The following FBXL7 variants were observed in gnomAD, a reference collection of about 807,000 sequenced individuals.
The protein encoded by FBXL7 is F-box/LRR-repeat protein 7.
A neutral mutation model predicts 38.3 loss-of-function variants in FBXL7; 12 were observed. The observed-to-expected ratio is 0.31, with a 90% CI of 0.20 to 0.51. The LOEUF is 0.51. Ranked by LOEUF, FBXL7 falls within the 20% of genes least tolerant of loss-of-function variation. FBXL7 has a pLI of 0.98. For synonymous variants in FBXL7, 297 were observed against 300.9 expected, an observed-to-expected ratio of 0.99 and a Z score of 0.13; for missense variants, 567 against 676.4, an observed-to-expected ratio of 0.84 and a Z score of 1.79.
At chr5:15,559,958 T>A (rs572657845) in intron 1 of FBXL7, among the ~76,000 whole-genome samples, 1 of 152,352 alleles carries the variant, frequency 6.6e-6, no homozygotes, top group African/African-American at 2.4e-5. Context: ...TTTCATTGTT[T>A]GAAGGTATCC....
intron 1 of FBXL7, among the ~76,000 whole-genome samples, chr5:15,531,630 A>G (rs1737434549): frequency 6.6e-6 from 1 of 152,186 alleles, no homozygotes; most frequent in African/African-American, 2.4e-5. Flanking sequence ...TGTAAATCCT[A>G]TTACTCTGAG....
At chr5:15,681,108 G>T (rs945096748) in intron 2 of FBXL7, among the ~76,000 whole-genome samples, 3 of 152,164 alleles carry the variant, frequency 2.0e-5, no homozygotes, top group African/African-American at 7.2e-5. Context: ...GAACATGACA[G>T]ATCTGGTAGG....
chr5:15,861,559 A>T (rs778877687), intron 2 of FBXL7, among the ~76,000 whole-genome samples: 2 of 152,206 alleles, frequency 1.3e-5, no homozygotes, highest in African/African-American at 2.4e-5. Flanking sequence ...AGCATAGAGG[A>T]CTGCATGGAG....
At chr5:15,558,416 T>C (rs1200781369) in intron 1 of FBXL7, among the ~76,000 whole-genome samples, 2 of 152,190 alleles carry the variant, frequency 1.3e-5, no homozygotes, top group Non-Finnish European at 2.9e-5. Flanking sequence ...GCACAGGGCA[T>C]GGATTCTGGC....
At chr5:15,769,035 A>G (rs941893182) in intron 2 of FBXL7, among the ~76,000 whole-genome samples, 1 of 152,208 alleles carries the variant, frequency 6.6e-6, no homozygotes, top group Non-Finnish European at 1.5e-5. Context: ...AAAGTCATAC[A>G]TTGTCCTAAT....
chr5:15,537,017 G>C (rs1352761650), intron 1 of FBXL7, among the ~76,000 whole-genome samples: 1 of 152,142 alleles, frequency 6.6e-6, no homozygotes, highest in East Asian at 1.9e-4. Context: ...AAAAGTGTTT[G>C]GCAGTTCCTT....
intron 1 of FBXL7, among the ~76,000 whole-genome samples, chr5:15,579,683 C>T (rs187751983): frequency 6.6e-5 from 10 of 152,154 alleles, no homozygotes; most frequent in Admixed American, 3.3e-4. Flanking sequence ...TCTTGTGGGT[C>T]AAGAATGTGG....
chr5:15,874,313 C>A (rs1395409678), intron 2 of FBXL7, among the ~76,000 whole-genome samples: 1 of 151,874 alleles, frequency 6.6e-6, no homozygotes, highest in Non-Finnish European at 1.5e-5. Flanking sequence ...AGCCAATATA[C>A]TGAATGGACA....
chr5:15,690,007 A>G (rs975853775), intron 2 of FBXL7, among the ~76,000 whole-genome samples: 1 of 152,340 alleles, frequency 6.6e-6, no homozygotes, highest in South Asian at 2.1e-4. Flanking sequence ...ATCTCCAGAC[A>G]TTTCCACATA....
intron 2 of FBXL7, among the ~76,000 whole-genome samples, chr5:15,679,317 GCTCT>G (rs1423146206): frequency 6.6e-6 from 1 of 152,196 alleles, no homozygotes; most frequent in Non-Finnish European, 1.5e-5. Context: ...CTGATAAAAT[GCTCT>G]CTATGTTGAA....
chr5:15,925,256 TG>T (rs1211828278), intron 2 of FBXL7, among the ~76,000 whole-genome samples: 2 of 151,870 alleles, frequency 1.3e-5, no homozygotes, highest in Non-Finnish European at 2.9e-5. Context: ...TAACAAAGGG[TG>T]GGGGCTTCAC....
chr5:15,766,084 T>C (rs1241668296), intron 2 of FBXL7, among the ~76,000 whole-genome samples: 1 of 62,338 alleles, frequency 1.6e-5, no homozygotes, highest in Non-Finnish European at 4.2e-5. Flanking sequence ...AACAGCATCA[T>C]AGAATTAATT....
At chr5:15,596,499 C>T (rs1335477813) in intron 1 of FBXL7, among the ~76,000 whole-genome samples, 3 of 151,892 alleles carry the variant, frequency 2.0e-5, no homozygotes. Flanking sequence ...CCTGTCTCCA[C>T]AAAAATAAGT....
intron 1 of FBXL7, among the ~76,000 whole-genome samples, chr5:15,576,573 G>A (rs1046753523): frequency 6.6e-6 from 1 of 152,154 alleles, no homozygotes; most frequent in Non-Finnish European, 1.5e-5. Context: ...TAATATTTAT[G>A]TTGTTACTGC....
At chr5:15,921,821 T>C (rs956175900) in intron 2 of FBXL7, among the ~76,000 whole-genome samples, 1 of 152,182 alleles carries the variant, frequency 6.6e-6, no homozygotes, top group Non-Finnish European at 1.5e-5. Context: ...TTAGGAGATC[T>C]GTTATCAAAA....
At chr5:15,825,646 T>G (rs1459956019) in intron 2 of FBXL7, among the ~76,000 whole-genome samples, 1 of 152,252 alleles carries the variant, frequency 6.6e-6, no homozygotes, top group Non-Finnish European at 1.5e-5. Flanking sequence ...GGAAATTTTA[T>G]TTTAAGTGTT....
chr5:15,683,717 C>T (rs560772169), intron 2 of FBXL7, among the ~76,000 whole-genome samples: 4 of 152,238 alleles, frequency 2.6e-5, no homozygotes, highest in Non-Finnish European at 5.9e-5. Flanking sequence ...TAGTTTAGAC[C>T]TTGGAAAATG....
intron 2 of FBXL7, among the ~76,000 whole-genome samples, chr5:15,640,350 G>A (rs1741319778): frequency 6.6e-6 from 1 of 152,118 alleles, no homozygotes; most frequent in East Asian, 1.9e-4. Context: ...TCATCACATG[G>A]CATTCTCCCT....
At chr5:15,875,278 A>G (rs1394463870) in intron 2 of FBXL7, among the ~76,000 whole-genome samples, 3 of 152,360 alleles carry the variant, frequency 2.0e-5, no homozygotes, top group South Asian at 4.1e-4. Flanking sequence ...TAGATTAAAG[A>G]TGTAAACATA....
Sources: allele counts gnomAD v4.1 joint callset (sites outside exome capture counted in the v4.1 genomes callset), GRCh38; gene constraint gnomAD v4.1.1; transcripts MANE v1.5; gene names NCBI Gene and HGNC (gene_info 2026-07-23, HGNC 2026-07-21).